NASP: variants seen among roughly 807,000 people sequenced by gnomAD.
The protein encoded by NASP is NASP histone chaperone.
In NASP, 24 loss-of-function variants were observed where a neutral mutation model predicts 89.5. The ratio of observed to expected loss-of-function variants is 0.27; its 90% CI spans 0.19 to 0.38. The LOEUF (loss-of-function observed/expected upper bound fraction) is 0.38. Ranked by LOEUF, NASP falls within the 10% of genes least tolerant of loss-of-function variation. NASP has a pLI of 1.00. For missense variants in NASP, 848 were observed against 921.4 expected (o/e 0.92, Z 1.03); for synonymous variants, 306 against 324.7 (o/e 0.94, Z 0.62).
rs1333718375 is a variant in NASP at position 45,606,595 on chromosome 1, T to C, written c.409+4T>C. ...GAAAATAATGATAACATAGATGGTA[T>C]GTGGAGTTGCATGTGACATTCAAGA... On this transcript the variant is annotated splice_donor_region_variant and intron_variant, in intron 5 of 14. Transcript: ENST00000350030. The C allele has an allele frequency of 1.3e-6, 2 of 1,566,380 alleles. No homozygotes were observed. The highest frequency in any genetic ancestry group is 2.2e-5 in the East Asian group (1 of 44,626).
intron 2 of NASP, among the ~76,000 whole-genome samples, chr1:45,595,129 T>TTTTGTGTGTG (rs1423142685): frequency 1.8e-5 from 2 of 111,784 alleles, no homozygotes; most frequent in Admixed American, 9.7e-5. Context: ...AGACTAAGTT[T>TTTTGTGTGTG]TGTGTGTGTG....
Position 45,606,610 on chromosome 1 carries a change from G to C in NASP, c.409+19G>C. 6.7e-7 allele frequency: 1 copy of C among 1,502,978 alleles called. No individual in the cohort carries two copies. The highest frequency in any genetic ancestry group is 9.3e-7 in the Non-Finnish European group (1 of 1,078,924). The allele number at this position is 1,502,978 out of a possible 1,614,324, so 93.1% of individuals were successfully genotyped here. A position where few individuals can be genotyped will look rare whatever the true frequency, so the allele number is the denominator to read the frequency against. ...ATAGATGGTATGTGGAGTTGCATGT[G>C]ACATTCAAGAGATGCGACGTTGTAT... On this transcript the variant is annotated intron_variant, in intron 5 of 14. Transcript: ENST00000350030.
chr1:45,617,464 G>A lies in NASP; in HGVS notation c.2159G>A (p.Arg720Lys). ...TDISHLVRKK[R>K]KPEEESPRKD... ...AAGCCTTCACAATTATATCTTTAGA[G>A]GAAACCAGAGGAAGAGAGTCCCCGG... Residue 720 changes from arginine to lysine, a missense_variant and splice_region_variant, in exon 14 of 15, where the codon AGG becomes AAG. Around this residue, in one of 5 missense-constraint regions of NASP, gnomAD observed 218 missense variants for 219.6 expected, o/e 0.99. Coordinates refer to ENST00000350030, the MANE Select transcript of NASP (RefSeq NM_002482.4). 6.2e-7 allele frequency: 1 copy of A among 1,612,366 alleles called. No homozygotes were observed. The highest frequency in any genetic ancestry group is 8.5e-7 in the Non-Finnish European group (1 of 1,179,610).
intron 2 of NASP, among the ~76,000 whole-genome samples, chr1:45,596,292 TAAGTA>T (rs991673514): frequency 8.5e-5 from 13 of 152,188 alleles, no homozygotes; most frequent in Admixed American, 8.5e-4. Flanking sequence ...TCAGTAGTGT[TAAGTA>T]AATTCACATT....
intron 2 of NASP, among the ~76,000 whole-genome samples, chr1:45,594,202 G>C (rs915560230): frequency 6.6e-6 from 1 of 151,764 alleles, no homozygotes; most frequent in Non-Finnish European, 1.5e-5. Context: ...GGTGGCTAGC[G>C]CCTGTAATTC....
chr1:45,603,605 ATTT>A (rs10646791), intron 3 of NASP, among the ~76,000 whole-genome samples: 7 of 119,046 alleles, frequency 5.9e-5, no homozygotes, highest in Non-Finnish European at 9.8e-5. Flanking sequence ...GTATTTAGAG[ATTT>A]TTTTTTTTTT....
intron 6 of NASP, chr1:45,611,233 C>T (rs1445212695): frequency 2.0e-5 from 3 of 152,196 alleles, no homozygotes; most frequent in South Asian, 2.1e-4. Flanking sequence ...ATATTGTTAT[C>T]TTCTATTCTT....
At chr1:45,594,256 G>C (rs930165410) in intron 2 of NASP, among the ~76,000 whole-genome samples, 2 of 151,762 alleles carry the variant, frequency 1.3e-5, no homozygotes, top group African/African-American at 4.8e-5. Context: ...TTGAACCCGG[G>C]AGGTGGAAGT....
chr1:45,593,099 G>A (rs1006771763), intron 2 of NASP, among the ~76,000 whole-genome samples: 3 of 152,084 alleles, frequency 2.0e-5, no homozygotes, highest in Non-Finnish European at 2.9e-5. Context: ...GGTAATTCTC[G>A]ATTGCTGTAA....
Position 45,615,658 on chromosome 1 carries a change from CCATACTTACGTGTGGCCAT to C in NASP, c.2022+188_2022+206del, listed in dbSNP as rs1420096649. 8.2e-5 allele frequency: 48 copies of C among 581,864 alleles called. No individual in the cohort carries two copies. In the Middle Eastern group the frequency reaches 1.8e-3, roughly 22 times the overall value. 36.0% of individuals were successfully genotyped at this position (581,864 alleles called of 1,614,324 possible). On this transcript the variant is annotated intron_variant, in intron 11 of 14. Transcript: ENST00000350030. ...GCCCCAGACTATCTGGGTTTTAATT[CCATACTTACGTGTGGCCAT>C]GGGCCTTTCTCTCCCTCAGTTGACC...
At chr1:45,599,746 G>T (rs1038367805) in intron 2 of NASP, among the ~76,000 whole-genome samples, 1 of 152,086 alleles carries the variant, frequency 6.6e-6, no homozygotes, top group African/African-American at 2.4e-5. Flanking sequence ...TTTCCAACTG[G>T]TTTTCTCCCC....
At chr1:45,600,270 A>T (rs1224373242) in intron 2 of NASP, 1 of 499,154 alleles carries the variant, frequency 2.0e-6, no homozygotes, top group Non-Finnish European at 2.8e-6. Flanking sequence ...AGTAACAATT[A>T]TGAGTTTCTA....
chr1:45,614,002 C>T (rs942893654), intron 7 of NASP, 94 bp from the exon 8 acceptor site: 13 of 967,680 alleles, frequency 1.3e-5, no homozygotes, highest in Middle Eastern at 3.3e-4. Context: ...AATTTTGAAT[C>T]GTATATCAAC....
chr1:45,592,285 G>T (rs756267159), intron 2 of NASP, among the ~76,000 whole-genome samples: 9 of 151,764 alleles, frequency 5.9e-5, no homozygotes, highest in Non-Finnish European at 8.8e-5. Context: ...GTGCCCACCC[G>T]AATTATATTT....
intron 11 of NASP, 61 bp from the exon 12 acceptor site, chr1:45,616,276 C>T (rs533678543): frequency 6.8e-7 from 1 of 1,480,618 alleles, no homozygotes; most frequent in South Asian, 1.1e-5. Context: ...GTTCCTGTTA[C>T]AAGGCTGTGG....
At chr1:45,587,973 G>A (rs2148327237) in intron 1 of NASP, among the ~76,000 whole-genome samples, 1 of 151,716 alleles carries the variant, frequency 6.6e-6, no homozygotes, top group Non-Finnish European at 1.5e-5. Context: ...AGGTGGTGTG[G>A]CTCACGTGGT....
At chr1:45,609,854 A>G (rs552108239) in intron 6 of NASP, 52 of 152,294 alleles carry the variant, frequency 3.4e-4, no homozygotes, top group African/African-American at 1.2e-3. Flanking sequence ...TTCCCAAGTT[A>G]CCACACATTG....
At chr1:45,606,364 A>G in intron 4 of NASP, 118 bp from the exon 5 acceptor site, 1 of 648,496 alleles carries the variant, frequency 1.5e-6, no homozygotes, top group South Asian at 1.9e-5. Flanking sequence ...ATAGTTTTGT[A>G]TTGCCTGCGC....
intron 6 of NASP, chr1:45,611,855 CTTTTTTTTTTTTT>C (rs997981433): frequency 9.5e-6 from 1 of 105,232 alleles, no homozygotes; most frequent in African/African-American, 4.0e-5. Context: ...GTTAAAGTAT[CTTTTTTTTTTTTT>C]TTTTTTTTTG....
Sources: allele counts gnomAD v4.1 joint callset (sites outside exome capture counted in the v4.1 genomes callset), GRCh38; gene constraint gnomAD v4.1.1; regional missense constraint gnomAD v4.1.1; transcripts MANE v1.5; gene names NCBI Gene and HGNC (gene_info 2026-07-23, HGNC 2026-07-21).